Variants in TENT5D observed in about 807,000 individuals in gnomAD.
TENT5D encodes cancer/testis antigen 112.
For synonymous variants in TENT5D, 103 were observed against 100.6 expected (o/e 1.02, Z -0.15); for missense variants, 191 against 287.0 (o/e 0.67, Z 2.42).
intron 3 of TENT5D, among the ~76,000 whole-genome samples, chrX:80,354,275 A>G (rs1178237088): frequency 9.0e-6 from 1 of 111,585 alleles, no homozygotes; most frequent in Admixed American, 9.6e-5. Context: ...TTTGTGGACA[A>G]TATCCTCAGA....
chrX:80,395,390 G>C (rs1213284345), intron 3 of TENT5D, among the ~76,000 whole-genome samples: 1 of 111,577 alleles, frequency 9.0e-6, no homozygotes, highest in African/African-American at 3.3e-5. Context: ...CCCAGTAGTG[G>C]GATTGCTGGA....
intron 3 of TENT5D, among the ~76,000 whole-genome samples, chrX:80,372,222 G>A (rs993881294): frequency 9.0e-6 from 1 of 111,398 alleles, no homozygotes; most frequent in African/African-American, 3.3e-5. Context: ...AAGTTGACAA[G>A]GGGTGGACTT....
chrX:80,400,928 G>A (rs1269721349), intron 3 of TENT5D, among the ~76,000 whole-genome samples: 2 of 111,139 alleles, frequency 1.8e-5, no homozygotes, highest in Non-Finnish European at 3.8e-5. Flanking sequence ...ATTAATTTTC[G>A]GATTATTTTT....
upstream of TENT5D, among the ~76,000 whole-genome samples, chrX:80,418,534 T>C (rs1345606063): frequency 9.0e-6 from 1 of 111,618 alleles, no homozygotes; most frequent in Admixed American, 9.5e-5. Flanking sequence ...ATATTTGGAT[T>C]GCTAAACAGC....
chrX:80,406,998 C>A (rs200489321), intron 3 of TENT5D, among the ~76,000 whole-genome samples: 9,916 of 105,464 alleles, frequency 0.094, 510 homozygotes, highest in African/African-American at 0.18. Context: ...TCCAGCCAAA[C>A]TAAGCTTCAT....
intron 3 of TENT5D, among the ~76,000 whole-genome samples, chrX:80,397,681 C>A (rs1317444435): frequency 8.9e-6 from 1 of 112,452 alleles, no homozygotes; most frequent in African/African-American, 3.2e-5. Context: ...AATCCCGGCA[C>A]CTCGGGAGGC....
chrX:80,428,374 C>A (rs1313437167), intron 1 of TENT5D, among the ~76,000 whole-genome samples: 1 of 112,247 alleles, frequency 8.9e-6, no homozygotes. Flanking sequence ...TGCAAAGCCA[C>A]CACTGCAACT....
intron 3 of TENT5D, among the ~76,000 whole-genome samples, chrX:80,358,087 G>A (rs1289962285): frequency 6.3e-5 from 7 of 111,734 alleles, no homozygotes. Flanking sequence ...TTTAATAAAT[G>A]GTGCTGGGAA....
At chrX:80,442,720 G>A in exon 3 of TENT5D, 6 of 1,211,207 alleles carry the variant, frequency 5.0e-6, no homozygotes, top group Non-Finnish European at 6.7e-6. Context: ...TGTTAAAGAT[G>A]CCAGATTGAA....
At chrX:80,337,125 T>TA (rs1183346142) in intron 2 of TENT5D, among the ~76,000 whole-genome samples, 1 of 112,040 alleles carries the variant, frequency 8.9e-6, no homozygotes, top group Admixed American at 9.5e-5. Flanking sequence ...CTGGTGTTGT[T>TA]AAAAGCAACG....
intron 3 of TENT5D, among the ~76,000 whole-genome samples, chrX:80,367,154 A>G (rs1298128336): frequency 9.0e-6 from 1 of 111,638 alleles, no homozygotes; most frequent in Non-Finnish European, 1.9e-5. Context: ...ATAACACTTC[A>G]TGTCTTACTA....
At chrX:80,346,783 A>C (rs1231233827) in intron 3 of TENT5D, among the ~76,000 whole-genome samples, 1 of 110,555 alleles carries the variant, frequency 9.0e-6, no homozygotes, top group African/African-American at 3.3e-5. Context: ...CTCGGTTTTC[A>C]GCCCCGCATG....
chrX:80,426,630 A>T (rs1931993797), intron 1 of TENT5D, among the ~76,000 whole-genome samples: 2 of 112,304 alleles, frequency 1.8e-5, no homozygotes, highest in East Asian at 2.8e-4. Context: ...TCATGGTAAG[A>T]TTAATTCATA....
chrX:80,356,113 T>A (rs962817741), intron 3 of TENT5D, among the ~76,000 whole-genome samples: 7 of 112,262 alleles, frequency 6.2e-5, no homozygotes, highest in Admixed American at 4.7e-4. Context: ...ATTCCTTTTA[T>A]TCAGAGATAG....
intron 1 of TENT5D, among the ~76,000 whole-genome samples, chrX:80,437,804 A>C (rs777062640): frequency 9.0e-6 from 1 of 111,578 alleles, no homozygotes; most frequent in South Asian, 3.7e-4. Flanking sequence ...AATATAATAC[A>C]TTCAGACCAA....
intron 2 of TENT5D, among the ~76,000 whole-genome samples, chrX:80,339,822 T>C (rs899062325): frequency 3.7e-5 from 4 of 109,181 alleles, no homozygotes; most frequent in Non-Finnish European, 1.9e-5. Flanking sequence ...ATAACAAATA[T>C]CACGTTTGGT....
intron 3 of TENT5D, among the ~76,000 whole-genome samples, chrX:80,413,618 G>A (rs368494644): frequency 6.3e-5 from 7 of 111,685 alleles, no homozygotes; most frequent in African/African-American, 2.0e-4. Flanking sequence ...AGGGTTTTCC[G>A]CTTTTGCTTC....
At chrX:80,402,156 G>T (rs1320501140) in intron 3 of TENT5D, among the ~76,000 whole-genome samples, 1 of 111,199 alleles carries the variant, frequency 9.0e-6, no homozygotes, top group Non-Finnish European at 1.9e-5. Context: ...AAATTTATCT[G>T]TTTTTTCCTA....
intron 3 of TENT5D, among the ~76,000 whole-genome samples, chrX:80,408,081 C>A (rs1272483504): frequency 9.1e-6 from 1 of 109,445 alleles, no homozygotes; most frequent in Non-Finnish European, 1.9e-5. Flanking sequence ...ATACCAGAAT[C>A]TCTGGGACAC....
Sources: gnomAD v4.1 joint callset for allele counts (sites outside exome capture counted in the v4.1 genomes callset) on GRCh38, gnomAD v4.1.1 for gene constraint, MANE v1.5 for transcripts, NCBI Gene and HGNC (gene_info 2026-07-23, HGNC 2026-07-21) for gene names.